The following KCNT1 variants were observed in gnomAD, a reference collection of about 807,000 sequenced individuals.
KCNT1 encodes potassium sodium-activated channel subfamily T member 1.
KCNT1 carries 78 observed loss-of-function variants against 147.8 expected under a neutral mutation model. The ratio of observed to expected loss-of-function variants is 0.53; its 90% CI spans 0.44 to 0.64. The LOEUF is 0.64. KCNT1 is among the 30% of genes least tolerant of loss of function. The probability of loss-of-function intolerance (pLI) is 0.00; values close to 1 mark genes in which losing one functional copy is unlikely to be tolerated. For missense variants in KCNT1, 1,419 were observed against 1,750.3 expected (o/e 0.81, Z 3.38); for synonymous variants, 867 against 748.8 (o/e 1.16, Z -2.58).
At chr9:135,791,644 G>A (rs1241531578) in intron 29 of KCNT1, 153 bp from the exon 30 acceptor site, 11 of 683,022 alleles carry the variant, frequency 1.6e-5, no homozygotes, top group Non-Finnish European at 2.6e-5. Context: ...GATGGGCCCT[G>A]GCTGGGCTCA....
At chr9:135,781,540 C>T (rs1019679651) in intron 24 of KCNT1, among the ~76,000 whole-genome samples, 3 of 152,062 alleles carry the variant, frequency 2.0e-5, no homozygotes, top group African/African-American at 7.2e-5. Flanking sequence ...ACAAGGACAC[C>T]TGTGGCAGCT....
At chr9:135,708,810 GC>G (rs1835359491) in intron 1 of KCNT1, among the ~76,000 whole-genome samples, 1 of 152,216 alleles carries the variant, frequency 6.6e-6, no homozygotes. Context: ...CTCCCAGAAT[GC>G]TGGAATTACA....
At chr9:135,762,796 G>C (rs1832001697) in intron 11 of KCNT1, among the ~76,000 whole-genome samples, 1 of 152,224 alleles carries the variant, frequency 6.6e-6, no homozygotes, top group South Asian at 2.1e-4. Context: ...AGGTGCACCA[G>C]GTCCTGCAGG....
chr9:135,773,776 C>CGT (rs201767861), intron 19 of KCNT1, among the ~76,000 whole-genome samples: 3,231 of 152,308 alleles, frequency 0.021, 110 homozygotes, highest in African/African-American at 0.074. Context: ...TGAACCATTG[C>CGT]ATGTGTGTGT....
chr9:135,705,255 C>G (rs1047810787), intron 1 of KCNT1, among the ~76,000 whole-genome samples: 1 of 152,220 alleles, frequency 6.6e-6, no homozygotes, highest in African/African-American at 2.4e-5. Flanking sequence ...AACTTGCAGG[C>G]TTTGACCCAG....
At position 135,779,386 on chromosome 9, in the gene KCNT1, G is replaced by C. The variant is rs775752475; in HGVS notation, c.2757G>C (p.Thr919=). The stretch of plus-strand genomic sequence containing the variant: ...TCTTCCCCAGCCTCAGCATCACCAC[G>C]GAGCTCACCCACCCTTCCAACATGC... ...FRLFPSLSIT[T]ELTHPSNMRF... Residue 919 remains threonine (T), a synonymous_variant, in exon 24 of 31, where the codon ACG becomes ACC. Transcript: ENST00000371757. 1 of 1,613,662 alleles carries C rather than the reference G, an allele frequency of 6.2e-7. No homozygotes were observed. Among genetic ancestry groups the C allele is most frequent in the Non-Finnish European group, 8.5e-7 (1 of 1,179,888 alleles).
rs1831209625 is a variant in KCNT1 at position 135,752,085 on chromosome 9, A to G, written c.434+1044A>G. 3.8e-6 allele frequency: 1 copy of G among 262,474 alleles called. No homozygotes were observed. Among genetic ancestry groups the G allele is most frequent in the East Asian group, 1.1e-4 (1 of 9,490 alleles). The allele number at this position is 262,474 out of a possible 1,614,324, so 16.3% of individuals were successfully genotyped here. A position where few individuals can be genotyped will look rare whatever the true frequency, so the allele number is the denominator to read the frequency against. ...AAATGTCTGGTGCCGTTTATGCGTA[A>G]GAGTGCTCAGGCGCTGAGGGGCTCT... On this transcript the variant is annotated intron_variant, in intron 4 of 30. Transcript: ENST00000371757. This position sits in a 1 kb window ranked among gnomAD's most constrained non-coding sequence, Gnocchi z 5.1.
At chr9:135,781,763 A>T (rs1195877385) in intron 24 of KCNT1, among the ~76,000 whole-genome samples, 1 of 152,150 alleles carries the variant, frequency 6.6e-6, no homozygotes, top group African/African-American at 2.4e-5. Flanking sequence ...AAAAGGGAGG[A>T]GGTGGAGATG....
intron 23 of KCNT1, among the ~76,000 whole-genome samples, 155 bp downstream of exon 23, chr9:135,778,977 G>A (rs1426715750): frequency 1.5e-5 from 2 of 129,978 alleles, no homozygotes; most frequent in African/African-American, 3.0e-5. Context: ...CCACAGCCAC[G>A]ACCACGGGCC....
chr9:135,707,941 A>G (rs558977727), intron 1 of KCNT1, among the ~76,000 whole-genome samples: 24 of 152,324 alleles, frequency 1.6e-4, no homozygotes, highest in African/African-American at 5.5e-4. Flanking sequence ...TCGCATGGGC[A>G]AGAAGCCCCT....
chr9:135,784,484 TCCCTCCCTCCCTCCCTCC>T, intron 25 of KCNT1, 33 bp from the exon 26 acceptor site: 1 of 57,650 alleles, frequency 1.7e-5, no homozygotes, highest in Non-Finnish European at 3.0e-5. Context: ...TCACTGTGGC[TCCCTCCCTCCCTCCCTCC>T]CTCCCTCCCT....
intron 13 of KCNT1, among the ~76,000 whole-genome samples, chr9:135,767,580 A>T (rs908384880): frequency 2.0e-5 from 3 of 151,518 alleles, no homozygotes; most frequent in Non-Finnish European, 4.4e-5. Flanking sequence ...CTGCACCCCA[A>T]CCCAGCCCTG....
intron 19 of KCNT1, among the ~76,000 whole-genome samples, chr9:135,773,786 T>A (rs1461069684): frequency 6.6e-6 from 1 of 152,150 alleles, no homozygotes; most frequent in African/African-American, 2.4e-5. Context: ...CATGTGTGTG[T>A]TGGGTGCTGC....
At chr9:135,765,493 C>A in intron 12 of KCNT1, 131 bp from the exon 13 acceptor site, 1 of 1,083,318 alleles carries the variant, frequency 9.2e-7, no homozygotes, top group Admixed American at 2.9e-5. Flanking sequence ...TCTTTTCCCT[C>A]CCACCAGATG....
chr9:135,740,024 G>C (rs1026719659), intron 2 of KCNT1, among the ~76,000 whole-genome samples: 1 of 152,068 alleles, frequency 6.6e-6, no homozygotes, highest in African/African-American at 2.4e-5. Flanking sequence ...CCCTTGGCTC[G>C]TAGACACCAT....
chr9:135,731,614 G>A (rs13289055), intron 2 of KCNT1, among the ~76,000 whole-genome samples: 20,450 of 152,040 alleles, frequency 0.13, 1,556 homozygotes, highest in South Asian at 0.18. Context: ...GTTCCTTTGC[G>A]TTGGAGGACA....
At position 135,702,383 on chromosome 9, in the gene KCNT1, G is replaced by C; in HGVS notation, c.110+15G>C. On this transcript the variant is annotated intron_variant, in intron 1 of 30. Coordinates refer to ENST00000371757, the MANE Select transcript of KCNT1 (RefSeq NM_020822.3). ...TGCGCCCCCAGGTACAGTCTGCTGC[G>C]CCCTCCCCACGCGGGGAGGCCCCGG... The C allele has an allele frequency of 6.3e-7, 1 of 1,596,544 alleles. No individual in the cohort carries two copies. Among genetic ancestry groups the C allele is most frequent in the Non-Finnish European group, 8.6e-7 (1 of 1,168,998 alleles).
intron 15 of KCNT1, among the ~76,000 whole-genome samples, chr9:135,769,664 A>G (rs1036278078): frequency 6.6e-6 from 1 of 152,266 alleles, no homozygotes; most frequent in East Asian, 1.9e-4. Context: ...CAGGGCCCAC[A>G]TGGAGTGCCC....
At chr9:135,757,515 G>A in intron 9 of KCNT1, 134 bp downstream of exon 9, 1 of 755,652 alleles carries the variant, frequency 1.3e-6, no homozygotes, top group Non-Finnish European at 2.2e-6. Context: ...GGAAGCCAGG[G>A]CAGCAGAAAC....
Sources: allele counts gnomAD v4.1 joint callset (sites outside exome capture counted in the v4.1 genomes callset), GRCh38; gene constraint gnomAD v4.1.1; non-coding constraint Gnocchi (gnomAD v3.1); transcripts MANE v1.5; gene names NCBI Gene and HGNC (gene_info 2026-07-23, HGNC 2026-07-21).